Variants in RORA observed in about 807,000 individuals in gnomAD.
RORA encodes nuclear receptor ROR-alpha.
In RORA, 7 loss-of-function variants were observed where a neutral mutation model predicts 69.5. That is an observed-to-expected ratio of 0.10 (90% CI 0.06 to 0.19). The LOEUF (loss-of-function observed/expected upper bound fraction) is 0.19, where lower values mean the gene tolerates loss of function less well. RORA is among the 10% of genes least tolerant of loss of function. The pLI is 1.00. For synonymous variants in RORA, 261 were observed against 240.8 expected (o/e 1.08, Z -0.78); for missense variants, 457 against 663.0 (o/e 0.69, Z 3.41).
intron 1 of RORA, among the ~76,000 whole-genome samples, chr15:61,154,504 T>C (rs934053491): frequency 1.3e-5 from 2 of 152,158 alleles, no homozygotes; most frequent in Non-Finnish European, 2.9e-5. Flanking sequence ...ATCTCTGTAG[T>C]GGAAACAAGT....
intron 1 of RORA, among the ~76,000 whole-genome samples, chr15:61,170,145 G>C (rs1485526483): frequency 6.6e-6 from 1 of 152,180 alleles, no homozygotes; most frequent in African/African-American, 2.4e-5. Context: ...TTGGTTTCCT[G>C]TGGCTGCAGT....
intron 1 of RORA, among the ~76,000 whole-genome samples, chr15:60,681,208 G>A (rs1041427228): frequency 7.9e-5 from 12 of 152,238 alleles, no homozygotes; most frequent in Admixed American, 2.6e-4. Flanking sequence ...TCACAGATGG[G>A]GAAACTGAGG....
intron 2 of RORA, among the ~76,000 whole-genome samples, chr15:60,608,397 AC>A (rs1415265273): frequency 1.3e-5 from 2 of 152,218 alleles, no homozygotes; most frequent in African/African-American, 2.4e-5. Flanking sequence ...CTTAAAAACG[AC>A]CAAAAATCCA....
At chr15:61,167,263 A>G (rs2079546336) in intron 1 of RORA, among the ~76,000 whole-genome samples, 1 of 152,132 alleles carries the variant, frequency 6.6e-6, no homozygotes, top group South Asian at 2.1e-4. Context: ...ACAAATCTCA[A>G]AGCTATTGAG....
chr15:60,969,178 T>C (rs571791131), intron 1 of RORA, among the ~76,000 whole-genome samples: 24 of 152,358 alleles, frequency 1.6e-4, no homozygotes, highest in African/African-American at 5.8e-4. Context: ...AGGTGGAGAC[T>C]GTCAAGCTTC....
In RORA at chr15:60,606,643, T is replaced by C. The variant is rs373188126; in HGVS notation, c.196+72014A>G. On this transcript the variant is annotated intron_variant, in intron 2 of 10. Coordinates refer to ENST00000335670, the MANE Select transcript of RORA (RefSeq NM_134261.3). ...CACTACGTGAAATGTTTGAAAAAGA[T>C]AGTTAAAAGGAAAAAGTCCTATTCT... Among the ~76,000 whole-genome samples the C allele has an allele frequency of 3.3e-5, 5 of 152,206 alleles. No homozygotes were observed. The East Asian group carries it at 5.8e-4, about 18-fold the overall frequency.
chr15:60,864,800 T>C (rs912223899), intron 1 of RORA, among the ~76,000 whole-genome samples: 3 of 152,346 alleles, frequency 2.0e-5, no homozygotes, highest in South Asian at 4.1e-4. Flanking sequence ...GGCATCTCAG[T>C]GCCAGGCCTT....
At chr15:61,105,003 C>CT (rs1180699443) in intron 1 of RORA, among the ~76,000 whole-genome samples, 4 of 142,964 alleles carry the variant, frequency 2.8e-5, no homozygotes, top group Admixed American at 7.0e-5. Flanking sequence ...GCGCCCCCCC[C>CT]ACCGCCCAGC....
At chr15:60,847,423 C>T (rs1003028892) in intron 1 of RORA, among the ~76,000 whole-genome samples, 3 of 152,052 alleles carry the variant, frequency 2.0e-5, no homozygotes, top group African/African-American at 7.2e-5. Flanking sequence ...CTGTGGCCTA[C>T]TCAGAACCTC....
chr15:60,655,716 C>T (rs572739280), intron 2 of RORA, among the ~76,000 whole-genome samples: 30 of 152,226 alleles, frequency 2.0e-4, no homozygotes, highest in African/African-American at 5.8e-4. Context: ...TTTACTCATA[C>T]CTGCTGAAGA....
intron 1 of RORA, among the ~76,000 whole-genome samples, chr15:60,972,011 C>T (rs1421391668): frequency 6.6e-6 from 1 of 152,182 alleles, no homozygotes; most frequent in Non-Finnish European, 1.5e-5. Context: ...GGGGTCATGC[C>T]TCCCGAATTC....
intron 1 of RORA, among the ~76,000 whole-genome samples, chr15:60,734,069 C>T (rs2071467451): frequency 6.6e-6 from 1 of 152,064 alleles, no homozygotes; most frequent in African/African-American, 2.4e-5. Context: ...AGAGAGGTGA[C>T]TCTTAATCCT....
At chr15:60,517,063 A>G (rs1315872395) in intron 3 of RORA, among the ~76,000 whole-genome samples, 2 of 147,026 alleles carry the variant, frequency 1.4e-5, no homozygotes, top group Admixed American at 1.3e-4. Context: ...TGTTGGCAGT[A>G]GTTGGTGGGG....
chr15:60,767,496 G>T (rs1284652128), intron 1 of RORA, among the ~76,000 whole-genome samples: 1 of 152,288 alleles, frequency 6.6e-6, no homozygotes, highest in East Asian at 1.9e-4. Flanking sequence ...CGATAGAGGA[G>T]TTGGGTGTGG....
At chr15:60,556,041 T>C (rs1377107447) in intron 2 of RORA, among the ~76,000 whole-genome samples, 2 of 149,938 alleles carry the variant, frequency 1.3e-5, no homozygotes, top group Non-Finnish European at 3.0e-5. Context: ...TTTTCTGCTG[T>C]TTCTTTCTGT....
In RORA at chr15:60,888,554, T is replaced by G. The variant is rs1173691629; in HGVS notation, c.167-209868A>C. ...CTTCTCAGGGAAAGCAGCTGATGAT[T>G]ATGTTTCCGCAACTGAATAAAATCA... On this transcript the variant is annotated intron_variant, in intron 1 of 10. Coordinates refer to ENST00000335670, the MANE Select transcript of RORA (RefSeq NM_134261.3). 3.3e-5 allele frequency among the ~76,000 whole-genome samples: 5 copies of G among 152,254 alleles called. No individual in the cohort carries two copies. The East Asian group carries it at 9.7e-4, about 29-fold the overall frequency.
intron 1 of RORA, among the ~76,000 whole-genome samples, chr15:61,196,728 T>A (rs1206389940): frequency 6.6e-6 from 1 of 152,206 alleles, no homozygotes; most frequent in Admixed American, 6.5e-5. Flanking sequence ...ATAATTAAGA[T>A]ATTTAAAAAG....
At chr15:60,785,595 C>T (rs1284232761) in intron 1 of RORA, among the ~76,000 whole-genome samples, 9 of 152,238 alleles carry the variant, frequency 5.9e-5, no homozygotes, top group Non-Finnish European at 1.0e-4. Context: ...TCTCGTCTGT[C>T]CCTCCAGCTA....
At chr15:61,059,702 C>A (rs939204243) in intron 1 of RORA, among the ~76,000 whole-genome samples, 7 of 151,810 alleles carry the variant, frequency 4.6e-5, no homozygotes, top group Admixed American at 1.3e-4. Flanking sequence ...TTTAATGTGT[C>A]CTGTCCCTAA....
Sources: gnomAD v4.1 joint callset for allele counts (sites outside exome capture counted in the v4.1 genomes callset) on GRCh38, gnomAD v4.1.1 for gene constraint, MANE v1.5 for transcripts, NCBI Gene and HGNC (gene_info 2026-07-23, HGNC 2026-07-21) for gene names.